ANO1: variants seen among roughly 807,000 people sequenced by gnomAD.
ANO1 encodes the protein anoctamin-1.
Under a neutral mutation model 124.0 loss-of-function variants are expected in ANO1, and 59 were observed. That is an observed-to-expected ratio of 0.48 (90% CI 0.39 to 0.59). The LOEUF (loss-of-function observed/expected upper bound fraction) is 0.59. Ranked by LOEUF, ANO1 falls within the 20% of genes least tolerant of loss-of-function variation. The pLI is 0.00. For synonymous variants in ANO1, 529 were observed against 532.0 expected (o/e 0.99, Z 0.08); for missense variants, 1,059 against 1,328.0 (o/e 0.80, Z 3.15).
intron 1 of ANO1, among the ~76,000 whole-genome samples, chr11:70,083,900 G>A (rs1414280226): frequency 1.3e-5 from 2 of 152,338 alleles, no homozygotes; most frequent in East Asian, 3.9e-4. Context: ...AGCACAGAGA[G>A]ACCTGCAGAG....
upstream of ANO1, chr11:70,075,056 G>A (rs2044041536): frequency 6.6e-6 from 1 of 152,212 alleles, no homozygotes; most frequent in Non-Finnish European, 1.5e-5. Flanking sequence ...AATGGGGAGC[G>A]AGGTTCTTGT....
intron 7 of ANO1, among the ~76,000 whole-genome samples, chr11:70,112,992 G>A (rs1004842808): frequency 7.2e-5 from 11 of 152,148 alleles, no homozygotes; most frequent in African/African-American, 2.4e-4. Flanking sequence ...TCTGCTGCCC[G>A]TCACCTCGTC....
At chr11:70,157,979 C>CAAA (rs548012147) in intron 16 of ANO1, among the ~76,000 whole-genome samples, 20 of 74,246 alleles carry the variant, frequency 2.7e-4, no homozygotes, top group Non-Finnish European at 3.6e-4. Flanking sequence ...GACCCTGTCT[C>CAAA]AAAAAAAAAA....
At chr11:70,036,278 T>G (rs1166753808) in intron 1 of ANO1, among the ~76,000 whole-genome samples, 1 of 152,220 alleles carries the variant, frequency 6.6e-6, no homozygotes, top group Non-Finnish European at 1.5e-5. Flanking sequence ...TGTCTTTACC[T>G]GGCCTTTTCC....
At chr11:70,069,932 C>A (rs1289555394) in intron 1 of ANO1, among the ~76,000 whole-genome samples, 2 of 149,750 alleles carry the variant, frequency 1.3e-5, no homozygotes, top group Admixed American at 1.4e-4. Context: ...TGTATGCATG[C>A]AAGGATGTGC....
chr11:70,165,664 C>G, intron 20 of ANO1, 94 bp downstream of exon 20: 2 of 1,004,736 alleles, frequency 2.0e-6, no homozygotes, highest in Non-Finnish European at 1.5e-6. Flanking sequence ...GACGCGGGGC[C>G]TCAACCAAGA....
intron 6 of ANO1, among the ~76,000 whole-genome samples, chr11:70,110,230 A>G (rs1269964420): frequency 7.5e-6 from 1 of 132,620 alleles, no homozygotes; most frequent in Non-Finnish European, 1.6e-5. Context: ...TCTGTCACCC[A>G]GGCTATAGTG....
intron 2 of ANO1, among the ~76,000 whole-genome samples, chr11:70,095,528 C>T (rs2044914079): frequency 6.6e-6 from 1 of 152,248 alleles, no homozygotes; most frequent in Non-Finnish European, 1.5e-5. Flanking sequence ...AGCTCTGCCA[C>T]AGGGCATCCC....
rs1276805498 is a variant in ANO1, at chr11:70,078,334, C to T, written c.-273C>T. On this transcript the variant is annotated 5_prime_UTR_variant, in exon 1 of 26. Transcript: ENST00000355303. ...GGCCGGCTGGCGTCCAAGTTCCTGA[C>T]CAGGCGCGGGCCGGCCCGCGGGACC... The T allele has an allele frequency of 6.7e-6, 1 of 150,088 alleles. No individual in the cohort carries two copies. The highest frequency in any genetic ancestry group is 1.5e-5 in the Non-Finnish European group (1 of 67,112). 9.3% of individuals were successfully genotyped at this position (150,088 alleles called of 1,614,324 possible).
At chr11:70,076,917 G>T (rs370298803), upstream of ANO1, among the ~76,000 whole-genome samples, 59 of 150,884 alleles carry the variant, frequency 3.9e-4, 2 homozygotes, top group East Asian at 9.8e-3. Context: ...AAGCCTGGCA[G>T]CTTCAGGCAC....
intron 21 of ANO1, among the ~76,000 whole-genome samples, chr11:70,167,854 T>C (rs1481536454): frequency 6.6e-6 from 1 of 152,026 alleles, no homozygotes; most frequent in Non-Finnish European, 1.5e-5. Context: ...CCCCCCACAA[T>C]CCAAGGTCCC....
chr11:70,021,323 C>T (rs1003678460), intron 1 of ANO1, among the ~76,000 whole-genome samples: 4 of 152,182 alleles, frequency 2.6e-5, no homozygotes, highest in African/African-American at 4.8e-5. Context: ...ACTTGACGAA[C>T]GTTGGTTAGG....
intron 7 of ANO1, among the ~76,000 whole-genome samples, chr11:70,113,303 C>T (rs1303836712): frequency 6.6e-6 from 1 of 152,216 alleles, no homozygotes; most frequent in African/African-American, 2.4e-5. Flanking sequence ...AAGCACTCAG[C>T]ACTTAATAAG....
intron 1 of ANO1, among the ~76,000 whole-genome samples, chr11:70,035,171 G>A (rs1383394951): frequency 1.3e-5 from 2 of 152,184 alleles, no homozygotes; most frequent in African/African-American, 4.8e-5. Flanking sequence ...CCAGCCAGCC[G>A]AGAGCTATGA....
In ANO1 at chr11:70,161,218, G is replaced by A. The variant is rs373530911; in HGVS notation, c.1636G>A (p.Ala546Thr). Residue 546 changes from alanine (A) to threonine (T), a missense_variant, in exon 17 of 26, where the codon GCC becomes ACC. Coordinates refer to ENST00000355303, the MANE Select transcript of ANO1 (RefSeq NM_018043.7). ...CATCATCTACAGAATCTCCATGGCCGCCGCCTTGGCCATGAACTCCTCCCC... is the reference window on the plus strand; with the variant it reads ...CATCATCTACAGAATCTCCATGGCCACCGCCTTGGCCATGAACTCCTCCCC... ...GVIIYRISMA[A>T]ALAMNSSPSV... The A allele has an allele frequency of 3.9e-4, 625 of 1,613,896 alleles. 8 individuals carry two copies. The South Asian group carries it at 3.9e-3, about 10-fold the overall frequency.
chr11:70,170,921 C>T lies in ANO1; in HGVS notation c.2232C>T (p.Ala744=), dbSNP rs2135763895. 1 of 1,613,484 alleles carries T rather than the reference C, an allele frequency of 6.2e-7. No homozygotes were observed. The highest frequency in any genetic ancestry group is 1.3e-5 in the African/African-American group (1 of 75,042). ...TTGGCTTCGTCACCCTGTTTGTCGC[C>T]TCCTTCCCCCTGGCCCCACTGTTTG... ...IQFGFVTLFV[A]SFPLAPLFAL... The change falls in exon 22 of 26, where the codon GCC becomes GCT. Residue 744 remains alanine (A), a synonymous_variant. Transcript: ENST00000355303.
Position 70,045,310 on chromosome 11 carries a change from TAG to T in ANO1, c.59-33230_59-33229del, listed in dbSNP as rs1555005470. ...AATCCAATATTTCCTTTTTCATTGG[TAG>T]AAGTCCAACTCACAAGTACTCTAGA... On this transcript the variant is annotated intron_variant, in intron 1 of 27. Transcript: ENST00000531349. Among the ~76,000 whole-genome samples, 8 of 152,326 alleles carry T rather than the reference TAG, an allele frequency of 5.3e-5. No homozygotes were observed. In the East Asian group the frequency reaches 1.4e-3, roughly 26 times the overall value.
chr11:70,090,156 C>A (rs10898146), intron 2 of ANO1, among the ~76,000 whole-genome samples: 1 of 152,012 alleles, frequency 6.6e-6, no homozygotes, highest in Non-Finnish European at 1.5e-5. Context: ...TACAGGCGCC[C>A]GCCGTCACGC....
chr11:70,139,669 G>T (rs1391748482), intron 11 of ANO1, among the ~76,000 whole-genome samples: 1 of 152,186 alleles, frequency 6.6e-6, no homozygotes, highest in East Asian at 1.9e-4. Context: ...GGGCATCTTT[G>T]TTGATTCCAT....
Sources: gnomAD v4.1 joint callset for allele counts (sites outside exome capture counted in the v4.1 genomes callset) on GRCh38, gnomAD v4.1.1 for gene constraint, MANE v1.5 for transcripts, NCBI Gene and HGNC (gene_info 2026-07-23, HGNC 2026-07-21) for gene names.